Variants in CUX1 observed in about 807,000 individuals in gnomAD.
CUX1 encodes cut like homeobox 1, also known as protein CASP.
A neutral mutation model predicts 158.8 loss-of-function variants in CUX1; 31 were observed. That is an observed-to-expected ratio of 0.20 (90% confidence interval 0.15 to 0.26). CUX1 has a LOEUF of 0.26. Ranked by LOEUF, CUX1 falls within the 10% of genes least tolerant of loss-of-function variation. CUX1 has a pLI of 1.00. For missense variants in CUX1, 1,589 were observed against 2,014.6 expected (o/e 0.79, Z 4.04); for synonymous variants, 879 against 862.1 (o/e 1.02, Z -0.34).
At chr7:102,179,336 C>G (rs979224886) in intron 11 of CUX1, among the ~76,000 whole-genome samples, 1 of 152,228 alleles carries the variant, frequency 6.6e-6, no homozygotes, top group African/African-American at 2.4e-5. Flanking sequence ...GTCTGAGCCT[C>G]TGCACCCGGC....
chr7:102,181,740 C>T (rs1395053617), intron 11 of CUX1, among the ~76,000 whole-genome samples: 7 of 152,290 alleles, frequency 4.6e-5, no homozygotes, highest in Admixed American at 1.3e-4. Flanking sequence ...TGTCCTGATA[C>T]GAAACCCACA....
At chr7:102,102,006 C>T (rs1216423294) in intron 5 of CUX1, among the ~76,000 whole-genome samples, 1 of 152,014 alleles carries the variant, frequency 6.6e-6, no homozygotes, top group Non-Finnish European at 1.5e-5. Context: ...TCAGAGCTGA[C>T]CTGTCTGGAG....
intron 1 of CUX1, among the ~76,000 whole-genome samples, chr7:101,895,908 G>GTT (rs869038068): frequency 2.1e-5 from 2 of 93,990 alleles, no homozygotes; most frequent in African/African-American, 4.7e-5. Flanking sequence ...TTTTGTTTTT[G>GTT]TTTTTTTTTT....
At chr7:101,903,930 T>C (rs1298727639) in intron 1 of CUX1, among the ~76,000 whole-genome samples, 1 of 152,168 alleles carries the variant, frequency 6.6e-6, no homozygotes, top group African/African-American at 2.4e-5. Context: ...GCTTTTATAC[T>C]CATAGACCAA....
Position 102,251,942 on chromosome 7 carries a change from C to T in CUX1, c.*2900C>T. On this transcript the variant is annotated 3_prime_UTR_variant, in exon 24 of 24. Transcript: ENST00000292535. Reference sequence around the variant, plus strand: ...TCTAAAATGCAGTCATTTTGACCCTCCCAAGCAATTTAGTCATATGTGTTG... The same window carrying T: ...TCTAAAATGCAGTCATTTTGACCCTTCCAAGCAATTTAGTCATATGTGTTG... 1.0e-6 allele frequency: 1 copy of T among 985,370 alleles called. No homozygotes were observed. The highest frequency in any genetic ancestry group is 1.2e-6 in the Non-Finnish European group (1 of 829,936). 61.0% of individuals were successfully genotyped at this position (985,370 alleles called of 1,614,324 possible).
intron 3 of CUX1, among the ~76,000 whole-genome samples, chr7:102,039,036 C>T (rs1236496005): frequency 2.0e-5 from 3 of 152,020 alleles, no homozygotes; most frequent in Admixed American, 1.3e-4. Context: ...ACAACCCAGC[C>T]GGCCATCAAC....
chr7:102,116,055 G>A (rs1387367515), intron 8 of CUX1, among the ~76,000 whole-genome samples: 2 of 152,122 alleles, frequency 1.3e-5, no homozygotes, highest in East Asian at 3.8e-4. Flanking sequence ...CCCTATTCCA[G>A]TTACAAAGGT....
rs533419271 is a variant in CUX1 at position 101,817,802 on chromosome 7, C to T, written c.30+133C>T. ...TGCTCTGGGAGGGGATAGGAGGGTT[C>T]CTCAGGGCCCCTGGGGAACTGCAGC... On this transcript the variant is annotated intron_variant, in intron 1 of 23. Coordinates refer to ENST00000292535, the MANE Select transcript of CUX1 (RefSeq NM_181552.4). The surrounding 1 kb of genome is among the most constrained non-coding windows in gnomAD (Gnocchi z 4.1). 45 of 1,051,104 alleles carry T rather than the reference C, an allele frequency of 4.3e-5. No homozygotes were observed. In the African/African-American group the frequency reaches 6.6e-4, roughly 16 times the overall value. 65.1% of individuals were successfully genotyped at this position (1,051,104 alleles called of 1,614,324 possible).
chr7:102,245,345 G>A (rs1468995235), intron 23 of CUX1, among the ~76,000 whole-genome samples: 2 of 152,182 alleles, frequency 1.3e-5, no homozygotes, highest in Non-Finnish European at 2.9e-5. Flanking sequence ...CACCCGGCCT[G>A]AGCAGACAGT....
chr7:101,871,968 A>G (rs1055939051), intron 1 of CUX1, among the ~76,000 whole-genome samples: 1 of 151,398 alleles, frequency 6.6e-6, no homozygotes, highest in Non-Finnish European at 1.5e-5. Flanking sequence ...CAGTGAGCCA[A>G]GATTGCACCA....
At chr7:102,126,682 C>G (rs1310968294) in intron 8 of CUX1, among the ~76,000 whole-genome samples, 1 of 152,200 alleles carries the variant, frequency 6.6e-6, no homozygotes, top group Non-Finnish European at 1.5e-5. Flanking sequence ...TCTAACACAG[C>G]TGTCCCCAAC....
intron 3 of CUX1, among the ~76,000 whole-genome samples, chr7:102,056,255 A>G (rs996355913): frequency 1.3e-5 from 2 of 152,212 alleles, no homozygotes; most frequent in Non-Finnish European, 1.5e-5. Context: ...CAGATTTTCA[A>G]TGTAGGTAAA....
At position 102,250,763 on chromosome 7, in the gene CUX1, TAG is replaced by T; in HGVS notation, c.*1724_*1725del. 1 of 985,270 alleles carries T rather than the reference TAG, an allele frequency of 1.0e-6. No individual in the cohort carries two copies. Among genetic ancestry groups the T allele is most frequent in the Non-Finnish European group, 1.2e-6 (1 of 829,778 alleles). 61.0% of individuals were successfully genotyped at this position (985,270 alleles called of 1,614,324 possible). ...TTGTCTATGTGTATATGCGTGAGAA[TAG>T]AGGCGGGTGAGAGTGTGCGTGCGTG... On this transcript the variant is annotated 3_prime_UTR_variant, in exon 24 of 24. Transcript: ENST00000292535.
chr7:101,909,127 G>A (rs938172688), intron 1 of CUX1, among the ~76,000 whole-genome samples: 4 of 148,186 alleles, frequency 2.7e-5, no homozygotes, highest in African/African-American at 1.0e-4. Flanking sequence ...CGGGAGGATC[G>A]CTTGAGGCCA....
At chr7:102,121,844 C>G (rs944392168) in intron 8 of CUX1, among the ~76,000 whole-genome samples, 1 of 152,074 alleles carries the variant, frequency 6.6e-6, no homozygotes, top group Non-Finnish European at 1.5e-5. Context: ...GAGACCACGG[C>G]GGTCTTCAAA....
intron 4 of CUX1, 84 bp downstream of exon 4, chr7:102,070,501 T>C: frequency 1.9e-6 from 2 of 1,038,340 alleles, no homozygotes; most frequent in South Asian, 2.8e-5. Flanking sequence ...TTCTTGGCTT[T>C]CCTAAGGAAA....
At chr7:102,066,361 C>G (rs1431620777) in intron 3 of CUX1, among the ~76,000 whole-genome samples, 1 of 152,106 alleles carries the variant, frequency 6.6e-6, no homozygotes, top group Non-Finnish European at 1.5e-5. Flanking sequence ...CTGCAGAGAC[C>G]CTAGCTCCAA....
At chr7:102,208,367 C>T (rs1410928628) in intron 20 of CUX1, among the ~76,000 whole-genome samples, 1 of 152,166 alleles carries the variant, frequency 6.6e-6, no homozygotes, top group Admixed American at 6.5e-5. Context: ...CCTCAGCCTC[C>T]CAAGTAGCTG....
chr7:101,877,823 G>A (rs1250876045), intron 1 of CUX1, among the ~76,000 whole-genome samples: 1 of 150,046 alleles, frequency 6.7e-6, no homozygotes, highest in Non-Finnish European at 1.5e-5. Context: ...CGACACCATT[G>A]TTCAATGATA....
Sources: allele counts gnomAD v4.1 joint callset (sites outside exome capture counted in the v4.1 genomes callset), GRCh38; gene constraint gnomAD v4.1.1; non-coding constraint Gnocchi (gnomAD v3.1); transcripts MANE v1.5; gene names NCBI Gene and HGNC (gene_info 2026-07-23, HGNC 2026-07-21).